Variants in MTFMT observed in about 807,000 individuals in gnomAD.
The protein encoded by MTFMT is mitochondrial methionyl-tRNA formyltransferase.
Under a neutral mutation model 51.8 loss-of-function variants are expected in MTFMT, and 47 were observed. The ratio of observed to expected loss-of-function variants is 0.91; its 90% confidence interval spans 0.72 to 1.16. The LOEUF (loss-of-function observed/expected upper bound fraction) is 1.16, where lower values mean the gene tolerates loss of function less well. Among genes scored for constraint, MTFMT ranks in the 50% most tolerant of loss-of-function variants. MTFMT has a pLI of 0.00. For synonymous variants in MTFMT, 196 were observed against 176.7 expected (o/e 1.11, Z -0.87); for missense variants, 512 against 482.3 (o/e 1.06, Z -0.58).
chr15:65,021,373 T>G (rs2086372876), intron 4 of MTFMT, 141 bp downstream of exon 4: 2 of 636,386 alleles, frequency 3.1e-6, no homozygotes, highest in Middle Eastern at 6.1e-4. Context: ...AATGCCAGGC[T>G]AATTTTTAGG....
At chr15:65,015,702 G>A (rs192778493) in intron 6 of MTFMT, 2 of 152,858 alleles carry the variant, frequency 1.3e-5, no homozygotes, top group Non-Finnish European at 2.9e-5. Context: ...GCCAGGTGTG[G>A]TGGTGTGTGC....
At chr15:65,003,770 C>T (rs1172521472) in intron 8 of MTFMT, among the ~76,000 whole-genome samples, 2 of 138,182 alleles carry the variant, frequency 1.4e-5, no homozygotes, top group Non-Finnish European at 3.1e-5. Context: ...GCAGGAGAAT[C>T]GCTTGAACCC....
intron 6 of MTFMT, among the ~76,000 whole-genome samples, chr15:65,011,467 T>TCCC (rs1314720017): frequency 1.4e-5 from 2 of 141,788 alleles, no homozygotes; most frequent in Non-Finnish European, 3.1e-5. Context: ...AAATATTCCC[T>TCCC]CCCATTCTGT....
rs375234265 is a variant in MTFMT, at chr15:65,003,178, G to A, written c.1054C>T (p.Pro352Ser). The A allele has an allele frequency of 5.6e-6, 9 of 1,613,454 alleles. No individual in the cohort carries two copies. Among genetic ancestry groups the A allele is most frequent in the Non-Finnish European group, 7.6e-6 (9 of 1,179,722 alleles). The change falls in exon 9 of 9, where the codon CCC (proline) becomes TCC (serine). Residue 352 changes from proline to serine, a missense_variant. Pro to Ser is a moderately conservative substitution (Grantham distance 74). Transcript: ENST00000220058. ...ATDFYNGYLH[P>S]WYQKNSQAQP... ...GCTTGGGAATTTTTCTGGTACCAGG[G>A]GTGCAAATATCCATTGTAGAAGTCA... is the stretch of plus-strand genomic sequence containing the variant.
chr15:65,029,214 AC>A, intron 1 of MTFMT, 190 bp downstream of exon 1: 2 of 946,160 alleles, frequency 2.1e-6, no homozygotes, highest in Non-Finnish European at 2.5e-6. Context: ...GACCGCAGGT[AC>A]TAGGCGCCCA....
intron 6 of MTFMT, among the ~76,000 whole-genome samples, chr15:65,006,554 T>C (rs1434033302): frequency 1.3e-5 from 2 of 152,044 alleles, no homozygotes; most frequent in Non-Finnish European, 2.9e-5. Flanking sequence ...TTTTTTGTAT[T>C]TTAAGTAGAG....
chr15:65,021,016 C>T (rs2086369662), intron 4 of MTFMT, among the ~76,000 whole-genome samples: 1 of 152,156 alleles, frequency 6.6e-6, no homozygotes, highest in Non-Finnish European at 1.5e-5. Flanking sequence ...AGTCATTAAA[C>T]ATTTACCCAG....
chr15:65,022,305 T>C (rs570506036), intron 3 of MTFMT, among the ~76,000 whole-genome samples: 34 of 152,092 alleles, frequency 2.2e-4, no homozygotes, highest in African/African-American at 8.2e-4. Flanking sequence ...TACAAAAAAT[T>C]AGCCGGGCAT....
intron 2 of MTFMT, chr15:65,026,252 T>G (rs1408446334): frequency 1.2e-5 from 2 of 163,758 alleles, no homozygotes; most frequent in Non-Finnish European, 2.7e-5. Flanking sequence ...AAATGGTCTT[T>G]TTCAATGCGT....
At chr15:65,025,473 G>A (rs925994032) in intron 2 of MTFMT, among the ~76,000 whole-genome samples, 33 of 152,040 alleles carry the variant, frequency 2.2e-4, no homozygotes, top group Admixed American at 1.3e-4. Context: ...GACTGAGAGG[G>A]CCAAGGACAG....
chr15:65,013,929 C>T (rs1244231509), intron 6 of MTFMT, among the ~76,000 whole-genome samples: 58 of 148,968 alleles, frequency 3.9e-4, no homozygotes, highest in African/African-American at 7.4e-5. Flanking sequence ...GGCGACAGGG[C>T]GAGACACCAT....
In MTFMT at chr15:65,029,555, C is replaced by T; in HGVS notation, c.59G>A (p.Gly20Glu). 2.0e-6 allele frequency: 3 copies of T among 1,506,158 alleles called. No individual in the cohort carries two copies. Among genetic ancestry groups the T allele is most frequent in the Non-Finnish European group, 2.7e-6 (3 of 1,127,844 alleles). The allele number at this position is 1,506,158 out of a possible 1,614,324, so 93.3% of individuals were successfully genotyped here. ...GPPLAHGARR[G>E]RPSPQWRALA... is the part of the protein sequence containing the mutation. ...TGCTCGCCACTGGGGACTCGGCCTC[C>T]CACGCCTGGCGCCATGAGCCAGCGG... is the stretch of plus-strand genomic sequence containing the variant. Residue 20 changes from glycine to glutamate, a missense_variant, in exon 1 of 9, where the codon GGG becomes GAG. Physicochemically the swap from Gly to Glu is moderately conservative, Grantham distance 98. Transcript: ENST00000220058.
intron 6 of MTFMT, among the ~76,000 whole-genome samples, chr15:65,007,821 A>G (rs182737519): frequency 6.6e-6 from 1 of 152,310 alleles, no homozygotes; most frequent in Admixed American, 6.5e-5. Flanking sequence ...AATATTTTCT[A>G]TATTTAGGAA....
intron 7 of MTFMT, 101 bp downstream of exon 7, chr15:65,006,011 TA>T: frequency 1.3e-6 from 1 of 764,618 alleles, no homozygotes; most frequent in Non-Finnish European, 2.1e-6. Context: ...TGAAACAAAC[TA>T]AAAGTTATTT....
intron 5 of MTFMT, among the ~76,000 whole-genome samples, chr15:65,018,272 A>T (rs2140483122): frequency 6.6e-6 from 1 of 152,256 alleles, no homozygotes; most frequent in East Asian, 1.9e-4. Flanking sequence ...ATCTGACTGT[A>T]TATCCTTAGG....
intron 8 of MTFMT, among the ~76,000 whole-genome samples, chr15:65,003,792 G>C (rs917398564): frequency 1.6e-5 from 2 of 125,142 alleles, no homozygotes; most frequent in Admixed American, 1.1e-4. Flanking sequence ...GGAGGTGGAG[G>C]TTGCAGTGAG....
At chr15:65,025,350 T>C (rs2899706) in intron 2 of MTFMT, among the ~76,000 whole-genome samples, 62,355 of 151,572 alleles carry the variant, frequency 0.41, 13,273 homozygotes, top group East Asian at 0.68. Flanking sequence ...TGAGTTATGA[T>C]AGCAACACTG....
At chr15:65,012,322 T>A (rs7172670) in intron 6 of MTFMT, among the ~76,000 whole-genome samples, 46,904 of 145,460 alleles carry the variant, frequency 0.32, 8,383 homozygotes, top group South Asian at 0.53. Flanking sequence ...ATAATAATAA[T>A]AAAAAGAACT....
Position 65,020,194 on chromosome 15 carries a change from C to T in MTFMT, c.721+3G>A, listed in dbSNP as rs374845427. On this transcript the variant is annotated splice_donor_region_variant and intron_variant, in intron 5 of 8. Coordinates refer to ENST00000220058, the MANE Select transcript of MTFMT (RefSeq NM_139242.4). ...GATGAGAGTCTCTGCAGCCTTCACT[C>T]ACCGTAAGTCGCCCCCTCCATTGGC... The T allele has an allele frequency of 2.0e-5, 33 of 1,611,192 alleles. No individual in the cohort carries two copies. Among genetic ancestry groups the T allele is most frequent in the Non-Finnish European group, 2.8e-5 (33 of 1,179,098 alleles).
Sources: allele counts gnomAD v4.1 joint callset (sites outside exome capture counted in the v4.1 genomes callset), GRCh38; gene constraint gnomAD v4.1.1; transcripts MANE v1.5; gene names NCBI Gene and HGNC (gene_info 2026-07-23, HGNC 2026-07-21).